The following RGS6 variants were observed in gnomAD, a reference collection of about 807,000 sequenced individuals.
RGS6 encodes the protein regulator of G protein signaling 6.
RGS6 carries 30 observed loss-of-function variants against 78.5 expected under a neutral mutation model. The observed-to-expected ratio is 0.38, with a 90% CI of 0.29 to 0.52. RGS6 has a LOEUF of 0.52. Among genes scored for constraint, RGS6 ranks in the 20% least tolerant of loss-of-function variants. The probability of loss-of-function intolerance (pLI) is 0.85; values close to 1 mark genes in which losing one functional copy is unlikely to be tolerated. For missense variants in RGS6, 495 were observed against 609.7 expected, an observed-to-expected ratio of 0.81 and a Z score of 1.98; for synonymous variants, 206 against 206.0, an observed-to-expected ratio of 1.00 and a Z score of 0.00.
intron 2 of RGS6, among the ~76,000 whole-genome samples, chr14:72,248,256 A>T (rs138771277): frequency 1.3e-5 from 2 of 152,292 alleles, no homozygotes; most frequent in Non-Finnish European, 1.5e-5. Flanking sequence ...ATCATTATAG[A>T]TTTAGCGTGG....
chr14:71,989,730 C>G (rs1418996833), intron 2 of RGS6, among the ~76,000 whole-genome samples: 2 of 152,122 alleles, frequency 1.3e-5, no homozygotes, highest in African/African-American at 4.8e-5. Flanking sequence ...GTGATAGACT[C>G]TAAGCCGTAT....
chr14:72,536,092 C>T (rs937915171), intron 15 of RGS6, 94 bp from the exon 16 acceptor site: 1 of 995,662 alleles, frequency 1.0e-6, no homozygotes, highest in South Asian at 1.3e-5. Flanking sequence ...GTTCCTTCAT[C>T]TCCTTCCCCA....
At chr14:72,328,313 T>A (rs1341088509) in intron 2 of RGS6, among the ~76,000 whole-genome samples, 1 of 152,186 alleles carries the variant, frequency 6.6e-6, no homozygotes, top group Non-Finnish European at 1.5e-5. Context: ...CCCAGTCAAG[T>A]TGACACATAA....
At chr14:72,319,935 T>C (rs760570396) in intron 2 of RGS6, among the ~76,000 whole-genome samples, 2 of 152,198 alleles carry the variant, frequency 1.3e-5, no homozygotes, top group Non-Finnish European at 2.9e-5. Flanking sequence ...AATTTATAGA[T>C]TGAAGGAGTC....
At chr14:72,293,220 G>A (rs1359619344) in intron 2 of RGS6, among the ~76,000 whole-genome samples, 1 of 152,086 alleles carries the variant, frequency 6.6e-6, no homozygotes, top group African/African-American at 2.4e-5. Context: ...TGTCTATTTT[G>A]GTTCATTCTT....
intron 15 of RGS6, among the ~76,000 whole-genome samples, chr14:72,525,409 TTGA>T (rs1436713869): frequency 6.6e-6 from 1 of 152,224 alleles, no homozygotes; most frequent in Non-Finnish European, 1.5e-5. Flanking sequence ...CTGCTTGGCC[TTGA>T]TGAACTCACA....
chr14:72,373,294 A>G (rs945169388), intron 3 of RGS6, among the ~76,000 whole-genome samples: 1 of 152,292 alleles, frequency 6.6e-6, no homozygotes, highest in Middle Eastern at 3.4e-3. Flanking sequence ...TGTTCAAGAA[A>G]CTGGATATAA....
intron 2 of RGS6, among the ~76,000 whole-genome samples, chr14:72,279,799 C>G (rs2061288193): frequency 6.6e-6 from 1 of 152,006 alleles, no homozygotes; most frequent in Non-Finnish European, 1.5e-5. Context: ...GAGATAGATG[C>G]CTTTATTAAG....
intron 2 of RGS6, among the ~76,000 whole-genome samples, chr14:72,169,797 T>C (rs1445287776): frequency 6.6e-6 from 1 of 152,168 alleles, no homozygotes; most frequent in Non-Finnish European, 1.5e-5. Flanking sequence ...CTTCTGCCTA[T>C]GAGATGCAGA....
chr14:72,350,920 AT>A (rs1212133751), intron 2 of RGS6, among the ~76,000 whole-genome samples: 1 of 152,158 alleles, frequency 6.6e-6, no homozygotes, highest in Non-Finnish European at 1.5e-5. Context: ...TTTTTAATAT[AT>A]TTTAGCTATT....
chr14:72,524,252 G>C (rs1415601792), intron 15 of RGS6, among the ~76,000 whole-genome samples: 2 of 152,180 alleles, frequency 1.3e-5, no homozygotes, highest in Non-Finnish European at 2.9e-5. Flanking sequence ...TGCATCCTAA[G>C]GAATTTGAGC....
At chr14:72,417,595 C>G (rs889948048) in intron 3 of RGS6, among the ~76,000 whole-genome samples, 1 of 152,192 alleles carries the variant, frequency 6.6e-6, no homozygotes, top group Non-Finnish European at 1.5e-5. Flanking sequence ...CTCGGAGAAC[C>G]GCATGGGCTC....
At chr14:71,872,369 C>G in the RGS6 span, among the ~76,000 whole-genome samples, 1 of 152,062 alleles carries the variant, frequency 6.6e-6, no homozygotes, top group African/African-American at 2.4e-5. Context: ...GGACTCTGAT[C>G]AGGATGGAAA....
At chr14:72,114,150 T>C (rs981158826) in intron 2 of RGS6, among the ~76,000 whole-genome samples, 2 of 152,184 alleles carry the variant, frequency 1.3e-5, no homozygotes, top group Non-Finnish European at 2.9e-5. Flanking sequence ...GTAGGGTGGA[T>C]GTATAAGTGT....
chr14:72,445,192 T>A (rs996291402), intron 3 of RGS6, among the ~76,000 whole-genome samples: 18 of 152,234 alleles, frequency 1.2e-4, no homozygotes, highest in Non-Finnish European at 2.4e-4. Context: ...TGTTTTGTTT[T>A]GTTTTGTTTT....
At chr14:71,899,075 G>T in the RGS6 span, among the ~76,000 whole-genome samples, 1 of 152,070 alleles carries the variant, frequency 6.6e-6, no homozygotes, top group Admixed American at 6.5e-5. Context: ...CCTATAGGCT[G>T]GCTTTCCAAA....
At chr14:72,091,036 G>A (rs940456075) in intron 2 of RGS6, among the ~76,000 whole-genome samples, 1 of 152,190 alleles carries the variant, frequency 6.6e-6, no homozygotes, top group East Asian at 1.9e-4. Flanking sequence ...GGAAGAGGGA[G>A]TAGCATGAAC....
intron 2 of RGS6, among the ~76,000 whole-genome samples, chr14:72,180,458 T>C (rs2097159717): frequency 2.0e-5 from 3 of 152,256 alleles, no homozygotes; most frequent in Admixed American, 2.0e-4. Flanking sequence ...TTAACCTTTA[T>C]GATACATAGC....
At chr14:72,441,855 T>TG (rs2095215302) in intron 3 of RGS6, among the ~76,000 whole-genome samples, 1 of 152,028 alleles carries the variant, frequency 6.6e-6, no homozygotes, top group African/African-American at 2.4e-5. Context: ...CCCCCAGCAG[T>TG]GGAGGGATGG....
Sources: gnomAD v4.1 joint callset for allele counts (sites outside exome capture counted in the v4.1 genomes callset) on GRCh38, gnomAD v4.1.1 for gene constraint, MANE v1.5 for transcripts, NCBI Gene and HGNC (gene_info 2026-07-23, HGNC 2026-07-21) for gene names.